Variants in TRPM5 observed in about 807,000 individuals in gnomAD.
TRPM5 encodes MLSN1 and TRP-related.
TRPM5 carries 121 observed loss-of-function variants against 124.9 expected under a neutral mutation model. The observed-to-expected ratio is 0.97, with a 90% CI of 0.84 to 1.13. The LOEUF (loss-of-function observed/expected upper bound fraction) is 1.13, where lower values mean the gene tolerates loss of function less well. Among genes scored for constraint, TRPM5 ranks in the 50% most tolerant of loss-of-function variants. TRPM5 has a pLI of 0.00. For synonymous variants in TRPM5, 781 were observed against 700.5 expected, an observed-to-expected ratio of 1.11 and a Z score of -1.81; for missense variants, 1,643 against 1,589.1, an observed-to-expected ratio of 1.03 and a Z score of -0.58.
intron 11 of TRPM5, 49 bp downstream of exon 16, chr11:2,414,666 T>C (rs1850527096): frequency 6.8e-7 from 1 of 1,478,010 alleles, no homozygotes; most frequent in Non-Finnish European, 8.9e-7. Context: ...GACCCCTCCG[T>C]CACATCCTCC....
chr11:2,416,256 C>G (rs552279866), intron 7 of TRPM5, among the ~76,000 whole-genome samples: 1 of 152,350 alleles, frequency 6.6e-6, no homozygotes, highest in East Asian at 1.9e-4. Flanking sequence ...CCGTCTGCTC[C>G]CATGTGAGGC....
the TRPM5 span, among the ~76,000 whole-genome samples, chr11:2,442,376 T>TAC: frequency 0.069 from 9,795 of 141,110 alleles, 308 homozygotes; most frequent in Middle Eastern, 0.11. The surrounding 1 kb of genome is among the most constrained non-coding windows in gnomAD (Gnocchi z 5.9). Flanking sequence ...CATTCTTTGA[T>TAC]ACACACACAC....
intron 12 of TRPM5, among the ~76,000 whole-genome samples, 160 bp downstream of exon 17, chr11:2,413,901 G>A (rs1445968096): frequency 6.6e-6 from 1 of 152,164 alleles, no homozygotes; most frequent in Non-Finnish European, 1.5e-5. Context: ...GAGGAAGCCA[G>A]GTGGGCGCCT....
exon 24 of TRPM5, chr11:2,404,969 G>C (rs372735789): frequency 1.9e-6 from 3 of 1,612,674 alleles, no homozygotes; most frequent in Non-Finnish European, 2.5e-6. Flanking sequence ...CCAGCCCCGG[G>C]TTGTTCCCAG....
intron 13 of TRPM5, 113 bp from the exon 19 acceptor site, chr11:2,413,339 G>A: frequency 7.7e-7 from 1 of 1,297,962 alleles, no homozygotes; most frequent in African/African-American, 1.5e-5. Context: ...TGTGGGGAGT[G>A]GGACCCGCAG....
At chr11:2,407,233 C>T (rs1185830005) in exon 20 of TRPM5, 1 of 1,612,232 alleles carries the variant, frequency 6.2e-7, no homozygotes, top group Non-Finnish European at 8.5e-7. Flanking sequence ...TGGTACTCCA[C>T]AATCAGGTTG....
Position 2,415,477 on chromosome 11 carries a change from C to T in TRPM5, c.1129-6G>A, listed in dbSNP as rs779450221. On this transcript the variant is annotated splice_region_variant and splice_polypyrimidine_tract_variant and intron_variant, in intron 8 of 23. Transcript: ENST00000155858. Reference sequence around the variant, plus strand: ...ACCTCCTCCAGGTCACAGGACTTGGCGGCCATGGGCACCCGAGGGAAGGGG... The same window carrying T: ...ACCTCCTCCAGGTCACAGGACTTGGTGGCCATGGGCACCCGAGGGAAGGGG... The T allele has an allele frequency of 1.2e-5, 18 of 1,541,022 alleles. 1 individual carries two copies. The highest frequency in any genetic ancestry group is 9.2e-5 in the East Asian group (4 of 43,432).
chr11:2,405,947 G>C (rs1850311766), intron 22 of TRPM5, 72 bp downstream of exon 27: 9 of 1,366,172 alleles, frequency 6.6e-6, no homozygotes, highest in Non-Finnish European at 9.3e-6. Flanking sequence ...GGGCAGGGCT[G>C]TGGACCCATC....
In TRPM5 at chr11:2,417,712, CCTG is replaced by C; in HGVS notation, c.1009+12_1009+14del. 1 of 1,443,484 alleles carries C rather than the reference CCTG, an allele frequency of 6.9e-7. No individual in the cohort carries two copies. Among genetic ancestry groups the C allele is most frequent in the Non-Finnish European group, 9.6e-7 (1 of 1,045,946 alleles). 89.4% of individuals were successfully genotyped at this position (1,443,484 alleles called of 1,614,324 possible). On this transcript the variant is annotated intron_variant, in intron 7 of 23. Transcript: ENST00000155858. ...CCCCAATGGCGCCTGCCTTGCCCAC[CCTG>C]CCCGCCCTCACCTTTCACCAGCGCC...
chr11:2,404,825 G>A (rs945490132), exon 24 of TRPM5: 11 of 816,272 alleles, frequency 1.3e-5, no homozygotes. Context: ...ATTGTCTGCT[G>A]GGGGGCTGGT....
chr11:2,427,104 C>T (rs886584894), upstream of TRPM5, among the ~76,000 whole-genome samples: 7 of 152,196 alleles, frequency 4.6e-5, no homozygotes, highest in African/African-American at 1.7e-4. Context: ...GAATGCCCCA[C>T]CTCACCCCAG....
At chr11:2,408,315 C>T (rs1850366613) in intron 18 of TRPM5, among the ~76,000 whole-genome samples, 1 of 152,186 alleles carries the variant, frequency 6.6e-6, no homozygotes, top group South Asian at 2.1e-4. Context: ...CCGAAAAAAG[C>T]CTCTGCTGTT....
At chr11:2,415,854 C>T in intron 8 of TRPM5, 52 bp downstream of exon 13, 1 of 1,335,024 alleles carries the variant, frequency 7.5e-7, no homozygotes. Flanking sequence ...GCAGCGTGGG[C>T]AGCTCGGGCA....
the TRPM5 span, among the ~76,000 whole-genome samples, chr11:2,429,794 A>G: frequency 2.6e-5 from 4 of 151,930 alleles, no homozygotes; most frequent in Non-Finnish European, 5.9e-5. This position sits in a 1 kb window ranked among gnomAD's most constrained non-coding sequence, Gnocchi z 8.4. Flanking sequence ...TTCCCTTCCA[A>G]GTTGTAATCA....
intron 23 of TRPM5, among the ~76,000 whole-genome samples, 198 bp downstream of exon 28, chr11:2,405,329 A>AC (rs1356976805): frequency 6.6e-6 from 1 of 152,224 alleles, no homozygotes; most frequent in Non-Finnish European, 1.5e-5. Flanking sequence ...TGAGTGAAGC[A>AC]CATTCGGCCC....
In TRPM5 at chr11:2,411,615, C is replaced by A. The variant is rs750276354; in HGVS notation, c.2607+20G>T. ...ATTGCTGTCCCTCCAGGGCCAGGGC[C>A]AGGGCCCCCGGGGGCTCACCATGCG... is the stretch of plus-strand genomic sequence containing the variant. On this transcript the variant is annotated intron_variant, in intron 17 of 23. Transcript: ENST00000155858. The A allele has an allele frequency of 6.2e-7, 1 of 1,612,324 alleles. No homozygotes were observed.
exon 18 of TRPM5, chr11:2,411,408 A>G: frequency 6.2e-7 from 1 of 1,612,030 alleles, no homozygotes; most frequent in Non-Finnish European, 8.5e-7. Flanking sequence ...CCGGTAGAGC[A>G]CCCGGCGGAA....
intron 19 of TRPM5, 82 bp downstream of exon 24, chr11:2,407,677 T>C: frequency 1.3e-6 from 2 of 1,531,682 alleles, no homozygotes; most frequent in Non-Finnish European, 1.8e-6. Context: ...ACCAGGTGGG[T>C]TGCAAAGGAG....
Position 2,405,513 on chromosome 11 carries a change from C to G in TRPM5, c.3391+14G>C, listed in dbSNP as rs753122807. The G allele has an allele frequency of 6.4e-7, 1 of 1,554,330 alleles. No individual in the cohort carries two copies. The highest frequency in any genetic ancestry group is 8.7e-7 in the Non-Finnish European group (1 of 1,148,960). ...CATGCCCACCCTCATCCCACGCTCC[C>G]CAAACAGGCTTACTCCGGGGGCCGC... On this transcript the variant is annotated intron_variant, in intron 23 of 23. Transcript: ENST00000155858.
Sources: allele counts gnomAD v4.1 joint callset (sites outside exome capture counted in the v4.1 genomes callset), GRCh38; gene constraint gnomAD v4.1.1; non-coding constraint Gnocchi (gnomAD v3.1); transcripts MANE v1.5; gene names NCBI Gene and HGNC (gene_info 2026-07-23, HGNC 2026-07-21).